The following TMEM181 variants were observed in gnomAD, a reference collection of about 807,000 sequenced individuals.
TMEM181 encodes G protein-coupled receptor 178.
TMEM181 carries 39 observed loss-of-function variants against 71.9 expected under a neutral mutation model. The observed-to-expected ratio is 0.54, with a 90% confidence interval of 0.42 to 0.71. TMEM181 has a LOEUF of 0.71. Among genes scored for constraint, TMEM181 ranks in the 30% least tolerant of loss-of-function variants. TMEM181 has a pLI of 0.00. For missense variants in TMEM181, 595 were observed against 583.0 expected (o/e 1.02, Z -0.21); for synonymous variants, 245 against 228.8 (o/e 1.07, Z -0.64).
chr6:158,582,606 G>A (rs942917611), intron 3 of TMEM181, among the ~76,000 whole-genome samples: 73 of 151,662 alleles, frequency 4.8e-4, no homozygotes, highest in African/African-American at 1.6e-3. Context: ...TTGATGCTGC[G>A]GTAAGCCATG....
At chr6:158,563,236 C>T (rs1421984433) in intron 1 of TMEM181, among the ~76,000 whole-genome samples, 1 of 152,150 alleles carries the variant, frequency 6.6e-6, no homozygotes, top group African/African-American at 2.4e-5. Context: ...CTCTGCCTCC[C>T]GGGTTCAAGC....
In TMEM181 at chr6:158,577,993, G is replaced by A. The variant is rs148362545; in HGVS notation, c.113-2947G>A. Among the ~76,000 whole-genome samples, 710 of 152,296 alleles carry A rather than the reference G, an allele frequency of 4.7e-3. 5 individuals carry two copies. The highest frequency in any genetic ancestry group is 0.015 in the African/African-American group (631 of 41,558). The stretch of plus-strand genomic sequence containing the variant: ...TAATCCTAGCTACTTGGGAGGCTGA[G>A]GCAGGAGAATCTCTTGAACCCGGGA... On this transcript the variant is annotated intron_variant, in intron 2 of 16. Transcript: ENST00000684151.
At chr6:158,623,633 A>G (rs763596868) in intron 11 of TMEM181, 26 bp downstream of exon 11, 24 of 1,515,500 alleles carry the variant, frequency 1.6e-5, no homozygotes, top group Middle Eastern at 1.7e-4. Flanking sequence ...GAGGCCTGCA[A>G]TTTTTCTTCT....
intron 1 of TMEM181, 54 bp downstream of exon 1, chr6:158,560,286 A>C: frequency 1.0e-6 from 1 of 984,904 alleles, no homozygotes; most frequent in Non-Finnish European, 1.2e-6. Context: ...ACTCCGGCCG[A>C]AAGTTGGGGA....
chr6:158,607,498 C>A (rs1356635822), intron 8 of TMEM181, among the ~76,000 whole-genome samples, 155 bp downstream of exon 8: 3 of 152,118 alleles, frequency 2.0e-5, no homozygotes, highest in African/African-American at 7.2e-5. Context: ...GGTAACATAG[C>A]AAGACTCTAC....
chr6:158,627,652 GAC>G (rs1786401140), intron 13 of TMEM181, among the ~76,000 whole-genome samples: 1 of 152,250 alleles, frequency 6.6e-6, no homozygotes, highest in Non-Finnish European at 1.5e-5. Context: ...GAGGTGGAGA[GAC>G]AGCTGCGTCG....
intron 13 of TMEM181, among the ~76,000 whole-genome samples, chr6:158,627,183 C>G (rs114213893): frequency 0.011 from 1,723 of 152,066 alleles, 43 homozygotes; most frequent in African/African-American, 0.04. Context: ...CACCCTCACT[C>G]TCACACCCTT....
chr6:158,609,097 CAAAA>C (rs61268690), intron 10 of TMEM181, among the ~76,000 whole-genome samples: 1 of 113,442 alleles, frequency 8.8e-6, no homozygotes. Flanking sequence ...GACCTTGTCT[CAAAA>C]AAAAAAAAAA....
At position 158,545,392 on chromosome 6, in the gene TMEM181, C is replaced by T. The variant is rs372050185; in HGVS notation, c.131+8527C>T. Among the ~76,000 whole-genome samples, 44 of 152,366 alleles carry T rather than the reference C, an allele frequency of 2.9e-4. 2 individuals carry two copies. In the South Asian group the frequency reaches 6.4e-3, roughly 22 times the overall value. On this transcript the variant is annotated intron_variant, in intron 1 of 16. Coordinates refer to the TMEM181 transcript ENST00000367090. ...TGACTTGGAAAGTCGTGGCAAGTGA[C>T]GGATCTCGCTGGAGCAGCGCTTGTT...
intron 6 of TMEM181, among the ~76,000 whole-genome samples, chr6:158,592,993 C>T (rs1025649962): frequency 4.6e-5 from 7 of 152,152 alleles, no homozygotes; most frequent in Non-Finnish European, 7.4e-5. Flanking sequence ...CACAAGTTTT[C>T]TCATACACAT....
intron 13 of TMEM181, among the ~76,000 whole-genome samples, chr6:158,627,062 C>T (rs535770478): frequency 2.1e-4 from 32 of 150,622 alleles, no homozygotes; most frequent in Non-Finnish European, 4.1e-4. Context: ...CTCACACCCT[C>T]ACACCTTCAC....
rs546723529 is a variant in TMEM181 at position 158,572,428 on chromosome 6, C to T, written c.9-992C>T. 4.8e-5 allele frequency: 22 copies of T among 456,770 alleles called. 1 individual carries two copies. The highest frequency in any genetic ancestry group is 3.4e-4 in the South Asian group (22 of 64,576). The allele number at this position is 456,770 out of a possible 1,614,324, so 28.3% of individuals were successfully genotyped here. A position where few individuals can be genotyped will look rare whatever the true frequency, so the allele number is the denominator to read the frequency against. Reference sequence around the variant, plus strand: ...GAACATGCGAGGACAACAGAGAACACAGAAGAGAGAGCAAAACAGACAGCG... The same window carrying T: ...GAACATGCGAGGACAACAGAGAACATAGAAGAGAGAGCAAAACAGACAGCG... On this transcript the variant is annotated intron_variant, in intron 1 of 16. Transcript: ENST00000684151.
At chr6:158,588,577 G>A (rs1460349448) in intron 5 of TMEM181, among the ~76,000 whole-genome samples, 1 of 152,204 alleles carries the variant, frequency 6.6e-6, no homozygotes, top group Non-Finnish European at 1.5e-5. Flanking sequence ...AGCCTCCTGA[G>A]TAGCTGGGAT....
chr6:158,562,883 T>G (rs1782267577), intron 1 of TMEM181, among the ~76,000 whole-genome samples: 1 of 152,202 alleles, frequency 6.6e-6, no homozygotes, highest in Non-Finnish European at 1.5e-5. Context: ...TGAGGAAGTT[T>G]CTCTTTTCCC....
rs921398618 is a variant in TMEM181, at chr6:158,589,065, C to T, written c.382-607C>T. On this transcript the variant is annotated intron_variant, in intron 5 of 16. Coordinates refer to ENST00000684151, the MANE Select transcript of TMEM181 (RefSeq NM_001376852.1). ...AGCAGAAGAGACCTGGCTTTTAATT[C>T]TAAAGGACAAAAGGAAGGGCTCTTG... 6.6e-5 allele frequency among the ~76,000 whole-genome samples: 10 copies of T among 152,306 alleles called. No individual in the cohort carries two copies. The South Asian group carries it at 1.0e-3, about 16-fold the overall frequency.
intron 1 of TMEM181, among the ~76,000 whole-genome samples, chr6:158,547,564 A>G (rs1416487745): frequency 1.3e-5 from 2 of 152,206 alleles, no homozygotes; most frequent in Non-Finnish European, 2.9e-5. Flanking sequence ...GGAAGTCACC[A>G]TTGACACAGG....
At chr6:158,582,992 T>C (rs1000343252) in intron 3 of TMEM181, among the ~76,000 whole-genome samples, 3 of 152,040 alleles carry the variant, frequency 2.0e-5, no homozygotes, top group Non-Finnish European at 2.9e-5. Flanking sequence ...CCCAGCACTT[T>C]GGGAGGCCGA....
At chr6:158,562,446 T>TTGTGTG (rs58150738) in intron 1 of TMEM181, among the ~76,000 whole-genome samples, 14,498 of 141,092 alleles carry the variant, frequency 0.1, 729 homozygotes, top group Middle Eastern at 0.14. Context: ...AAGGCTGTTT[T>TTGTGTG]TGTGTGTGTG....
At position 158,608,761 on chromosome 6, in the gene TMEM181, C is replaced by G; in HGVS notation, c.896+11C>G. 3 of 1,605,490 alleles carry G rather than the reference C, an allele frequency of 1.9e-6. No individual in the cohort carries two copies. The South Asian group carries it at 3.4e-5, about 18-fold the overall frequency. ...AGGAATATGGCAAACGTGAGTAATT[C>G]TATTATGTGTGAAACTTCAGTCATG... On this transcript the variant is annotated intron_variant, in intron 10 of 16. Transcript: ENST00000684151.
Sources: allele counts gnomAD v4.1 joint callset (sites outside exome capture counted in the v4.1 genomes callset), GRCh38; gene constraint gnomAD v4.1.1; transcripts MANE v1.5; gene names NCBI Gene and HGNC (gene_info 2026-07-23, HGNC 2026-07-21).